The following ARSH variants were observed in gnomAD, a reference collection of about 807,000 sequenced individuals.
The protein encoded by ARSH is arylsulfatase family member H.
A neutral mutation model predicts 28.7 loss-of-function variants in ARSH; 32 were observed. The ratio of observed to expected loss-of-function variants is 1.11; its 90% CI spans 0.84 to 1.50. The LOEUF (loss-of-function observed/expected upper bound fraction) is 1.50, where lower values mean the gene tolerates loss of function less well. Ranked by LOEUF, ARSH falls within the 40% of genes most tolerant of loss-of-function variation. The pLI, the probability that ARSH is intolerant of heterozygous loss-of-function variation, is 0.00. For synonymous variants in ARSH, 176 were observed against 177.3 expected, an observed-to-expected ratio of 0.99 and a Z score of 0.06; for missense variants, 440 against 452.4, an observed-to-expected ratio of 0.97 and a Z score of 0.25.
intron 8 of ARSH, among the ~76,000 whole-genome samples, chrX:3,032,590 G>C (rs2089917512): frequency 9.4e-6 from 1 of 106,553 alleles, no homozygotes; most frequent in African/African-American, 3.4e-5. Flanking sequence ...AGGAAGGGAA[G>C]AGGAGGGAGG....
intron 5 of ARSH, among the ~76,000 whole-genome samples, chrX:3,021,059 T>C (rs189942052): frequency 1.1e-4 from 12 of 111,679 alleles, no homozygotes; most frequent in Admixed American, 4.8e-4. Context: ...TTATTATATA[T>C]AGTTTAATTC....
At chrX:3,012,630 A>T (rs1275283131) in intron 2 of ARSH, among the ~76,000 whole-genome samples, 1 of 76,112 alleles carries the variant, frequency 1.3e-5, no homozygotes, top group African/African-American at 4.8e-5. Flanking sequence ...ATACACACAC[A>T]CACATATGAA....
chrX:3,020,648 A>G (rs2089881231), intron 5 of ARSH, among the ~76,000 whole-genome samples: 1 of 109,830 alleles, frequency 9.1e-6, no homozygotes, highest in Non-Finnish European at 1.9e-5. Context: ...GGCTGCCAGT[A>G]AGGCATTTAA....
At chrX:3,012,251 A>G (rs1029134963) in intron 2 of ARSH, among the ~76,000 whole-genome samples, 5 of 109,172 alleles carry the variant, frequency 4.6e-5, no homozygotes, top group African/African-American at 1.7e-4. Context: ...ATAAAATTAT[A>G]TGGAGGCCAG....
At chrX:3,006,834 A>G (rs1043956381) in intron 1 of ARSH, 130 bp downstream of exon 1, 4 of 501,236 alleles carry the variant, frequency 8.0e-6, no homozygotes, top group African/African-American at 7.3e-5. Context: ...GGAATAGCAG[A>G]GGTCACTGGG....
At chrX:3,016,689 C>T (rs987087427) in intron 4 of ARSH, among the ~76,000 whole-genome samples, 2 of 111,454 alleles carry the variant, frequency 1.8e-5, no homozygotes, top group African/African-American at 6.5e-5. Context: ...GTGATCCTCT[C>T]ACCTTGGCCT....
At position 3,033,589 on chromosome X, in the gene ARSH, G is replaced by A; in HGVS notation, c.*204G>A. 2.8e-6 allele frequency: 1 copy of A among 357,588 alleles called. No homozygotes were observed. The highest frequency in any genetic ancestry group is 4.6e-6 in the Non-Finnish European group (1 of 215,715). 29.5% of individuals were successfully genotyped at this position (357,588 alleles called of 1,213,427 possible). A position where few individuals can be genotyped will look rare whatever the true frequency, so the allele number is the denominator to read the frequency against. ...GTGAACCTGGAGGGGAGCATTTGTT[G>A]TATAATTTTTTTCTAGTATATAATT... is the stretch of plus-strand genomic sequence containing the variant. On this transcript the variant is annotated 3_prime_UTR_variant, in exon 9 of 9. Coordinates refer to ENST00000381130, the MANE Select transcript of ARSH (RefSeq NM_001011719.2).
At chrX:3,012,997 C>A in intron 2 of ARSH, 50 bp from the exon 3 acceptor site, 1 of 1,165,967 alleles carries the variant, frequency 8.6e-7, no homozygotes, top group Middle Eastern at 2.4e-4. Flanking sequence ...GGGATAAATT[C>A]GGTATTAGCA....
In ARSH at chrX:3,029,360, A is replaced by C. The variant is rs1738751077; in HGVS notation, c.1313A>C (p.Gln438Pro). 1.1e-5 allele frequency: 13 copies of C among 1,209,740 alleles called. No individual in the cohort carries two copies. The highest frequency in any genetic ancestry group is 1.5e-5 in the Non-Finnish European group (13 of 894,512). ...TATCTGCACACGGTCAGGTGGCATC[A>C]GAAGGACTGTAAGTATGAAGGCTGT... ...GVYLHTVRWHQKDCATVWKAH... is the reference protein window; with the variant it reads ...GVYLHTVRWHPKDCATVWKAH... Residue 438 changes from glutamine (Q) to proline (P), a missense_variant, in exon 8 of 9, where the codon CAG (glutamine) becomes CCG (proline). Gln to Pro is a moderately conservative substitution (Grantham distance 76, BLOSUM62 -1). Coordinates refer to ENST00000381130, the MANE Select transcript of ARSH (RefSeq NM_001011719.2).
intron 8 of ARSH, 63 bp downstream of exon 8, chrX:3,029,431 C>T: frequency 1.3e-5 from 15 of 1,160,674 alleles, no homozygotes; most frequent in African/African-American, 1.1e-4. Context: ...TCTCCTTCGT[C>T]TCCTGGCGGA....
chrX:3,022,602 C>T (rs1356853829), intron 5 of ARSH, among the ~76,000 whole-genome samples: 1 of 111,921 alleles, frequency 8.9e-6, no homozygotes, highest in Non-Finnish European at 1.9e-5. Flanking sequence ...GCTCAACAGA[C>T]ATCAGAAAGG....
At chrX:3,020,532 T>G (rs1350516232) in intron 5 of ARSH, among the ~76,000 whole-genome samples, 1 of 89,681 alleles carries the variant, frequency 1.1e-5, no homozygotes, top group Non-Finnish European at 2.1e-5. Context: ...GAGCTTGCAG[T>G]GAGCCGAGAT....
At chrX:3,017,050 T>G (rs962869536) in intron 4 of ARSH, among the ~76,000 whole-genome samples, 3 of 111,010 alleles carry the variant, frequency 2.7e-5, no homozygotes, top group African/African-American at 9.8e-5. Context: ...TATGCCCCTG[T>G]GCCCATCAGA....
At chrX:3,016,803 C>T (rs761947658) in intron 4 of ARSH, among the ~76,000 whole-genome samples, 3 of 111,022 alleles carry the variant, frequency 2.7e-5, no homozygotes, top group South Asian at 7.8e-4. Flanking sequence ...AGGCTGGTCT[C>T]GAACTCCTGG....
intron 7 of ARSH, 145 bp downstream of exon 7, chrX:3,027,620 C>A: frequency 1.6e-6 from 1 of 618,073 alleles, no homozygotes; most frequent in South Asian, 3.6e-5. Flanking sequence ...GTCTTTCTCC[C>A]CTTGGTGCGT....
At chrX:3,020,970 C>T (rs1034447709) in intron 5 of ARSH, among the ~76,000 whole-genome samples, 2 of 110,730 alleles carry the variant, frequency 1.8e-5, no homozygotes, top group Non-Finnish European at 3.8e-5. Flanking sequence ...ATACACACAC[C>T]CCATATGGTT....
In ARSH at chrX:3,009,909, A is replaced by T. The variant is rs2089841517; in HGVS notation, c.93-121A>T. On this transcript the variant is annotated intron_variant, in intron 1 of 8. Coordinates refer to ENST00000381130, the MANE Select transcript of ARSH (RefSeq NM_001011719.2). ...ATAGACAGATTAAAGTTTTAAAAAG[A>T]TGGATTTTAGGTTTACCAGAAATAG... 5 of 857,996 alleles carry T rather than the reference A, an allele frequency of 5.8e-6. No homozygotes were observed. The South Asian group carries it at 1.1e-4, about 18-fold the overall frequency. 70.7% of individuals were successfully genotyped at this position (857,996 alleles called of 1,213,427 possible).
At position 3,015,282 on chromosome X, in the gene ARSH, C is replaced by A; in HGVS notation, c.653C>A (p.Thr218Asn). The change falls in exon 4 of 9, where the codon ACT (threonine) becomes AAT (asparagine). Residue 218 changes from threonine to asparagine, a missense_variant. Physicochemically the swap from Thr to Asn is moderately conservative, Grantham distance 65 (BLOSUM62 0). Coordinates refer to ENST00000381130, the MANE Select transcript of ARSH (RefSeq NM_001011719.2). Reference sequence around the variant, plus strand: ...TCCTGGTACTCTAGTTATGGATTTACTCGACGTTGGAATTGCATCCTTATG... The same window carrying A: ...TCCTGGTACTCTAGTTATGGATTTAATCGACGTTGGAATTGCATCCTTATG... Reference protein sequence around the residue: ...FTSWYSSYGFTRRWNCILMRN... With the variant: ...FTSWYSSYGFNRRWNCILMRN... The A allele has an allele frequency of 8.3e-7, 1 of 1,211,338 alleles. No individual in the cohort carries two copies. Among genetic ancestry groups the A allele is most frequent in the Non-Finnish European group, 1.1e-6 (1 of 895,342 alleles).
At chrX:3,030,600 G>A (rs193255050) in intron 8 of ARSH, among the ~76,000 whole-genome samples, 66 of 111,718 alleles carry the variant, frequency 5.9e-4, no homozygotes, top group African/African-American at 2.0e-3. Context: ...AAGAGAGAAT[G>A]AGAGCCAAGC....
Sources: gnomAD v4.1 joint callset for allele counts (sites outside exome capture counted in the v4.1 genomes callset) on GRCh38, gnomAD v4.1.1 for gene constraint, MANE v1.5 for transcripts, NCBI Gene and HGNC (gene_info 2026-07-23, HGNC 2026-07-21) for gene names.